Variants in ZNF536 observed in about 807,000 individuals in gnomAD.
The protein encoded by ZNF536 is zinc finger protein 536.
ZNF536 carries 13 observed loss-of-function variants against 84.5 expected under a neutral mutation model. The ratio of observed to expected loss-of-function variants is 0.15; its 90% CI spans 0.10 to 0.24. ZNF536 has a LOEUF of 0.24. Ranked by LOEUF, ZNF536 falls within the 10% of genes least tolerant of loss-of-function variation. The pLI is 1.00. For synonymous variants in ZNF536, 811 were observed against 742.5 expected (o/e 1.09, Z -1.50); for missense variants, 1,536 against 1,747.5 (o/e 0.88, Z 2.16).
At chr19:30,333,310 A>T (rs2047276617) in intron 2 of ZNF536, among the ~76,000 whole-genome samples, 1 of 152,186 alleles carries the variant, frequency 6.6e-6, no homozygotes, top group Non-Finnish European at 1.5e-5. Flanking sequence ...TGGATCCCAG[A>T]CACAGAGACG....
At chr19:30,538,142 G>C (rs2045169682) in intron 3 of ZNF536, among the ~76,000 whole-genome samples, 1 of 152,192 alleles carries the variant, frequency 6.6e-6, no homozygotes, top group African/African-American at 2.4e-5. Flanking sequence ...GGCCCTGACT[G>C]CCTCTCTTTT....
intron 1 of ZNF536, among the ~76,000 whole-genome samples, chr19:30,260,972 TA>T (rs1217250179): frequency 2.6e-5 from 4 of 152,192 alleles, no homozygotes; most frequent in African/African-American, 9.6e-5. Flanking sequence ...GCATGATACA[TA>T]GATTATTGGA....
At chr19:30,299,539 C>T (rs1200483096) in intron 2 of ZNF536, among the ~76,000 whole-genome samples, 1 of 152,036 alleles carries the variant, frequency 6.6e-6, no homozygotes, top group Admixed American at 6.5e-5. Flanking sequence ...AATTCAAAGC[C>T]ACAGTGGGGA....
intron 3 of ZNF536, among the ~76,000 whole-genome samples, chr19:30,364,837 G>C (rs527700689): frequency 1.3e-5 from 2 of 152,244 alleles, no homozygotes; most frequent in East Asian, 3.9e-4. Context: ...GTATACAAAA[G>C]AGGTACTTTG....
intron 1 of ZNF536, among the ~76,000 whole-genome samples, chr19:30,241,482 C>T (rs1203484494): frequency 6.6e-6 from 1 of 152,182 alleles, no homozygotes. Context: ...GAGAAGCTGG[C>T]ATCTGCGCCT....
At chr19:30,329,463 C>A (rs1414119899) in intron 2 of ZNF536, among the ~76,000 whole-genome samples, 2 of 152,150 alleles carry the variant, frequency 1.3e-5, no homozygotes, top group African/African-American at 4.8e-5. Flanking sequence ...CTGCTTAGAG[C>A]TAGAACCTTC....
intron 1 of ZNF536, among the ~76,000 whole-genome samples, chr19:30,269,546 T>C (rs1189936360): frequency 2.0e-5 from 3 of 152,140 alleles, no homozygotes; most frequent in Non-Finnish European, 2.9e-5. Context: ...ATGGTTGGGG[T>C]TGCTTTTGAG....
intron 2 of ZNF536, among the ~76,000 whole-genome samples, chr19:30,462,012 G>T (rs1163916255): frequency 6.6e-6 from 1 of 152,214 alleles, no homozygotes; most frequent in East Asian, 1.9e-4. Flanking sequence ...TAATCCTCCG[G>T]CCTGGTCAGG....
At chr19:30,557,098 A>G in intron 4 of ZNF536, 59 bp from the exon 5 acceptor site, 1 of 1,597,064 alleles carries the variant, frequency 6.3e-7, no homozygotes, top group Non-Finnish European at 8.6e-7. Flanking sequence ...CTTGCTTTCA[A>G]ATGCCTCTAG....
At position 30,400,163 on chromosome 19, in the gene ZNF536, T is replaced by C. The variant is rs2049990011; in HGVS notation, c.-3+27607T>C. Among the ~76,000 whole-genome samples the C allele has an allele frequency of 2.0e-5, 3 of 152,292 alleles. No homozygotes were observed. The South Asian group carries it at 6.2e-4, about 32-fold the overall frequency. ...TTTTTTTTTTTCCAGAATTTGGCTG[T>C]TATAGCCAAAATTTCTGTGAACAAT... On this transcript the variant is annotated intron_variant, in intron 1 of 4. Coordinates refer to ENST00000355537, the MANE Select transcript of ZNF536 (RefSeq NM_014717.3).
intron 1 of ZNF536, among the ~76,000 whole-genome samples, chr19:30,261,828 C>A (rs1020955758): frequency 6.6e-6 from 1 of 151,932 alleles, no homozygotes; most frequent in East Asian, 1.9e-4. Flanking sequence ...CTGTGGATGA[C>A]TGAGGTGTGG....
intron 1 of ZNF536, among the ~76,000 whole-genome samples, chr19:30,607,378 C>T (rs185138998): frequency 2.8e-4 from 43 of 152,106 alleles, no homozygotes; most frequent in African/African-American, 9.6e-4. Flanking sequence ...TTACGCTCTT[C>T]TTTGTTCATC....
intron 1 of ZNF536, among the ~76,000 whole-genome samples, chr19:30,654,344 T>C (rs2049822733): frequency 6.6e-6 from 1 of 152,092 alleles, no homozygotes; most frequent in African/African-American, 2.4e-5. Context: ...GTGCATGAAA[T>C]CATCTGATCA....
At chr19:30,536,675 G>A (rs1475484844) in intron 3 of ZNF536, among the ~76,000 whole-genome samples, 1 of 152,150 alleles carries the variant, frequency 6.6e-6, no homozygotes, top group African/African-American at 2.4e-5. Flanking sequence ...GTGGCGCAGA[G>A]GAGTCAAGGG....
chr19:30,360,837 T>C (rs2048250199), intron 3 of ZNF536, among the ~76,000 whole-genome samples: 4 of 152,256 alleles, frequency 2.6e-5, no homozygotes. Flanking sequence ...CCTGCTGTTA[T>C]CAAAGTAACT....
At chr19:30,564,684 G>A (rs937011253) in intron 1 of ZNF536, among the ~76,000 whole-genome samples, 5 of 152,194 alleles carry the variant, frequency 3.3e-5, no homozygotes, top group East Asian at 1.9e-4. Flanking sequence ...CACTCCCACC[G>A]CCAGTTTCAG....
chr19:30,675,934 T>G (rs528670052), intron 1 of ZNF536, among the ~76,000 whole-genome samples: 26 of 152,310 alleles, frequency 1.7e-4, no homozygotes, highest in African/African-American at 6.0e-4. Context: ...CATAGCTCAC[T>G]GCAGCCTCGA....
At chr19:30,526,697 C>CT (rs896746676) in intron 2 of ZNF536, among the ~76,000 whole-genome samples, 4 of 112,846 alleles carry the variant, frequency 3.5e-5, no homozygotes, top group African/African-American at 1.1e-4. Context: ...GCACTCCAGC[C>CT]TGGGCGACAG....
At chr19:30,673,415 G>A (rs2050634068) in intron 1 of ZNF536, among the ~76,000 whole-genome samples, 1 of 152,060 alleles carries the variant, frequency 6.6e-6, no homozygotes, top group African/African-American at 2.4e-5. Flanking sequence ...ATTGCTCCAC[G>A]CTGGGGTCCT....
Sources: gnomAD v4.1 joint callset for allele counts (sites outside exome capture counted in the v4.1 genomes callset) on GRCh38, gnomAD v4.1.1 for gene constraint, MANE v1.5 for transcripts, NCBI Gene and HGNC (gene_info 2026-07-23, HGNC 2026-07-21) for gene names.